The following DNAH6 variants were observed in gnomAD, a reference collection of about 807,000 sequenced individuals.
DNAH6 encodes axonemal beta dynein heavy chain 6.
Under a neutral mutation model 491.4 loss-of-function variants are expected in DNAH6, and 340 were observed. The observed-to-expected ratio is 0.69, with a 90% CI of 0.63 to 0.76. The LOEUF is 0.76. Ranked by LOEUF, DNAH6 falls within the 30% of genes least tolerant of loss-of-function variation. DNAH6 has a pLI of 0.00. For missense variants in DNAH6, 4,443 were observed against 4,972.2 expected, an observed-to-expected ratio of 0.89 and a Z score of 3.20; for synonymous variants, 1,603 against 1,686.1, an observed-to-expected ratio of 0.95 and a Z score of 1.21.
chr2:84,672,923 A>G (rs1485290142), intron 40 of DNAH6, among the ~76,000 whole-genome samples: 1 of 152,108 alleles, frequency 6.6e-6, no homozygotes, highest in African/African-American at 2.4e-5. Context: ...TTTTTCCTCC[A>G]TGTAATTCAG....
chr2:84,816,144 A>G, intron 76 of DNAH6, 61 bp downstream of exon 76: 2 of 1,351,528 alleles, frequency 1.5e-6, no homozygotes, highest in South Asian at 2.7e-5. Context: ...ATCAAAGTCC[A>G]AACACTAAGC....
rs116749948 is a variant in DNAH6 at position 84,520,342 on chromosome 2, T to G, written c.225+2291T>G. On this transcript the variant is annotated intron_variant, in intron 2 of 76. Transcript: ENST00000389394. ...TTAACCTAAGTTATACTATAATCTC[T>G]TCCAACTTTTTGTTGCCTGATCTGC... is the stretch of plus-strand genomic sequence containing the variant. Among the ~76,000 whole-genome samples the G allele has an allele frequency of 6.8e-3, 1,031 of 152,270 alleles. 14 individuals carry two copies. The highest frequency in any genetic ancestry group is 0.023 in the African/African-American group (956 of 41,582).
chr2:84,662,267 G>T (rs1691583813), intron 37 of DNAH6, among the ~76,000 whole-genome samples: 1 of 152,080 alleles, frequency 6.6e-6, no homozygotes, highest in African/African-American at 2.4e-5. Context: ...ACTGGGGCTT[G>T]TCGGACAGTG....
intron 4 of DNAH6, among the ~76,000 whole-genome samples, chr2:84,542,557 C>T (rs1012409738): frequency 1.3e-5 from 2 of 152,090 alleles, no homozygotes; most frequent in African/African-American, 4.8e-5. Context: ...TATTCCTCTC[C>T]CACTTCGCAC....
chr2:84,501,075 G>T, the DNAH6 span, among the ~76,000 whole-genome samples: 1 of 152,152 alleles, frequency 6.6e-6, no homozygotes, highest in Non-Finnish European at 1.5e-5. Flanking sequence ...GAATAACAGT[G>T]AGAAAAGTTG....
chr2:84,661,134 T>C (rs1037178967), intron 37 of DNAH6, among the ~76,000 whole-genome samples: 1 of 152,170 alleles, frequency 6.6e-6, no homozygotes, highest in Non-Finnish European at 1.5e-5. Context: ...ATTTCTTTCA[T>C]GGGCTATTAA....
intron 16 of DNAH6, among the ~76,000 whole-genome samples, chr2:84,589,711 CAAAA>C (rs1301777970): frequency 3.4e-5 from 2 of 58,340 alleles, no homozygotes; most frequent in Non-Finnish European, 7.3e-5. Flanking sequence ...GACCCTGTCT[CAAAA>C]AAAAAAAAAA....
chr2:84,497,685 A>G, the DNAH6 span, among the ~76,000 whole-genome samples: 1 of 152,198 alleles, frequency 6.6e-6, no homozygotes, highest in Admixed American at 6.5e-5. Context: ...GGCAAATTGG[A>G]TTTTTATAAG....
chr2:84,618,025 C>G (rs1687044484), intron 23 of DNAH6, among the ~76,000 whole-genome samples: 4 of 152,084 alleles, frequency 2.6e-5, no homozygotes, highest in Admixed American at 2.6e-4. Flanking sequence ...TGAAATGTGA[C>G]AACTCTAGTC....
the DNAH6 span, among the ~76,000 whole-genome samples, chr2:84,506,406 G>A: frequency 6.6e-6 from 1 of 152,082 alleles, no homozygotes; most frequent in Non-Finnish European, 1.5e-5. Flanking sequence ...CCACTTTTTT[G>A]ATGGGGTTGT....
intron 22 of DNAH6, among the ~76,000 whole-genome samples, chr2:84,616,349 A>G (rs1686855505): frequency 6.6e-6 from 1 of 151,916 alleles, no homozygotes; most frequent in African/African-American, 2.4e-5. Context: ...TTGTTTTATA[A>G]ATTTATAAAT....
chr2:84,772,189 T>C (rs1675689929), intron 64 of DNAH6, among the ~76,000 whole-genome samples: 2 of 152,028 alleles, frequency 1.3e-5, no homozygotes, highest in African/African-American at 4.8e-5. Flanking sequence ...ACATGATCAC[T>C]ATGAAAACAA....
chr2:84,548,251 C>A, intron 7 of DNAH6, 37 bp from the exon 8 acceptor site: 1 of 1,570,530 alleles, frequency 6.4e-7, no homozygotes, highest in Non-Finnish European at 8.6e-7. Context: ...AACTTTTACA[C>A]AAGTACACTT....
chr2:84,762,751 T>G lies in DNAH6; in HGVS notation c.10513-4T>G, dbSNP rs767062162. On this transcript the variant is annotated splice_polypyrimidine_tract_variant and splice_region_variant and intron_variant, in intron 63 of 76. Transcript: ENST00000389394. Reference sequence around the variant, plus strand: ...CATACTTTTTTTTTCTTTTCAACTTTCAGGTGGTTTTTGCTCTTACAGACT... The same window carrying G: ...CATACTTTTTTTTTCTTTTCAACTTGCAGGTGGTTTTTGCTCTTACAGACT... 2.0e-6 allele frequency: 3 copies of G among 1,537,770 alleles called. No homozygotes were observed. The South Asian group carries it at 3.7e-5, about 19-fold the overall frequency.
At chr2:84,592,092 A>G (rs1038324357) in intron 16 of DNAH6, among the ~76,000 whole-genome samples, 1 of 152,208 alleles carries the variant, frequency 6.6e-6, no homozygotes, top group Non-Finnish European at 1.5e-5. Context: ...GACAAGTGGA[A>G]CTACATCAAA....
intron 36 of DNAH6, 46 bp from the exon 37 acceptor site, chr2:84,658,980 A>G (rs1381297333): frequency 8.5e-7 from 1 of 1,175,550 alleles, no homozygotes; most frequent in Non-Finnish European, 1.2e-6. Context: ...GATTCTTTTT[A>G]TGTTCATATA....
chr2:84,525,700 C>T lies in DNAH6; in HGVS notation c.361C>T (p.Gln121Ter), dbSNP rs1248942147. ...AKKSFATSST[Q>*]FLEHQDAVKK... ...AAAAAGTTTTGCCACATCATCTACT[C>T]AGTTTCTTGAGCATCAAGATGCTGT... Residue 121 changes from glutamine (Q) to a stop codon, truncating the protein, a stop_gained, in exon 3 of 77, where the codon CAG becomes TAG. Coordinates refer to ENST00000389394, the MANE Select transcript of DNAH6 (RefSeq NM_001370.2). LOFTEE classifies it high-confidence loss of function. The T allele has an allele frequency of 2.6e-6, 4 of 1,548,964 alleles. No individual in the cohort carries two copies. Among genetic ancestry groups the T allele is most frequent in the Non-Finnish European group, 3.5e-6 (4 of 1,145,880 alleles).
intron 45 of DNAH6, among the ~76,000 whole-genome samples, chr2:84,691,872 A>G (rs1413886437): frequency 6.6e-6 from 1 of 152,264 alleles, no homozygotes; most frequent in Admixed American, 6.5e-5. Flanking sequence ...GATTTGGCCC[A>G]CAGGCCATAG....
chr2:84,510,160 T>G, the DNAH6 span, among the ~76,000 whole-genome samples: 1 of 152,254 alleles, frequency 6.6e-6, no homozygotes, highest in Admixed American at 6.5e-5. Flanking sequence ...GATAATATCC[T>G]GCAGAGTGTT....
Sources: allele counts gnomAD v4.1 joint callset (sites outside exome capture counted in the v4.1 genomes callset), GRCh38; gene constraint gnomAD v4.1.1; transcripts MANE v1.5; gene names NCBI Gene and HGNC (gene_info 2026-07-23, HGNC 2026-07-21).